Variants in PAG1 observed in about 807,000 individuals in gnomAD.
The protein encoded by PAG1 is phosphoprotein membrane anchor with glycosphingolipid microdomains 1, also known as phosphoprotein associated with glycosphingolipid-enriched microdomains 1.
Under a neutral mutation model 31.7 loss-of-function variants are expected in PAG1, and 23 were observed. That is an observed-to-expected ratio of 0.73 (90% CI 0.52 to 1.03). PAG1 has a LOEUF of 1.03. PAG1 is among the 50% of genes least tolerant of loss of function. PAG1 has a pLI of 0.00. For synonymous variants in PAG1, 214 were observed against 210.3 expected, an observed-to-expected ratio of 1.02 and a Z score of -0.15; for missense variants, 473 against 540.7, an observed-to-expected ratio of 0.87 and a Z score of 1.24.
intron 1 of PAG1, among the ~76,000 whole-genome samples, chr8:81,102,224 A>G (rs1350726569): frequency 6.6e-6 from 1 of 152,172 alleles, no homozygotes; most frequent in Non-Finnish European, 1.5e-5. Flanking sequence ...CCTATATTGT[A>G]ATTTTTCAAC....
At chr8:80,989,180 T>C (rs1807487087) in intron 5 of PAG1, among the ~76,000 whole-genome samples, 1 of 152,200 alleles carries the variant, frequency 6.6e-6, no homozygotes, top group East Asian at 1.9e-4. Context: ...GTCAGCTGTT[T>C]CCATCCAATG....
intron 3 of PAG1, among the ~76,000 whole-genome samples, chr8:80,998,364 G>A (rs1807723706): frequency 6.6e-6 from 1 of 151,986 alleles, no homozygotes; most frequent in Non-Finnish European, 1.5e-5. Context: ...TCTTGACTTG[G>A]TGATCCACCT....
Position 80,973,839 on chromosome 8 carries a change from T to C in PAG1, c.*2705A>G, listed in dbSNP as rs1807126667. 1 of 152,146 alleles carries C rather than the reference T, an allele frequency of 6.6e-6. No individual in the cohort carries two copies. The highest frequency in any genetic ancestry group is 1.5e-5 in the Non-Finnish European group (1 of 68,038). The allele number at this position is 152,146 out of a possible 1,614,324, so 9.4% of individuals were successfully genotyped here. A position where few individuals can be genotyped will look rare whatever the true frequency, so the allele number is the denominator to read the frequency against. On this transcript the variant is annotated 3_prime_UTR_variant, in exon 9 of 9. Transcript: ENST00000220597. ...ATGGTGCCTCAGTAAATAACTTCAGTAAAATATCCAGTGCTCCAAATAGCT... is the reference window on the plus strand; with the variant it reads ...ATGGTGCCTCAGTAAATAACTTCAGCAAAATATCCAGTGCTCCAAATAGCT...
intron 3 of PAG1, among the ~76,000 whole-genome samples, chr8:81,023,530 C>T (rs1808222986): frequency 6.7e-6 from 1 of 150,208 alleles, no homozygotes; most frequent in African/African-American, 2.5e-5. Flanking sequence ...CATTTCTCTG[C>T]AGTATATATA....
chr8:80,972,403 G>T lies in PAG1; in HGVS notation c.*4141C>A, dbSNP rs936585550. The T allele has an allele frequency of 6.6e-6, 1 of 152,212 alleles. No individual in the cohort carries two copies. The highest frequency in any genetic ancestry group is 1.5e-5 in the Non-Finnish European group (1 of 68,040). The allele number at this position is 152,212 out of a possible 1,614,324, so 9.4% of individuals were successfully genotyped here. A position where few individuals can be genotyped will look rare whatever the true frequency, so the allele number is the denominator to read the frequency against. Reference sequence around the variant, plus strand: ...CTAAAGCTCTGTAATTATAGCCATGGTATCAGACCAGCTTTTTCGCACATC... The same window carrying T: ...CTAAAGCTCTGTAATTATAGCCATGTTATCAGACCAGCTTTTTCGCACATC... On this transcript the variant is annotated 3_prime_UTR_variant, in exon 9 of 9. Transcript: ENST00000220597.
At chr8:81,087,765 C>T (rs963507947) in intron 1 of PAG1, among the ~76,000 whole-genome samples, 1 of 152,200 alleles carries the variant, frequency 6.6e-6, no homozygotes, top group Non-Finnish European at 1.5e-5. Flanking sequence ...TGCAGGAGAA[C>T]AAACCCTCGG....
rs1231811603 is a variant in PAG1 at position 80,991,489 on chromosome 8, A to C, written c.167T>G (p.Leu56Arg). 6.2e-7 allele frequency: 1 copy of C among 1,612,966 alleles called. No homozygotes were observed. The highest frequency in any genetic ancestry group is 8.5e-7 in the Non-Finnish European group (1 of 1,178,906). Residue 56 changes from leucine to arginine, a missense_variant, in exon 5 of 9, where the codon CTG becomes CGG. Physicochemically the swap from Leu to Arg is moderately radical, Grantham distance 102. Transcript: ENST00000220597. ...CACGCGCAGGCTCACCACGTTCATC[A>C]GGTTCTCATGGTCCCCACTATGCTG... Reference protein sequence around the residue: ...PRQHSGDHENLMNVPSDKEMF... With the variant: ...PRQHSGDHENRMNVPSDKEMF...
chr8:80,982,385 G>A (rs991094733), intron 7 of PAG1, among the ~76,000 whole-genome samples: 2 of 152,106 alleles, frequency 1.3e-5, no homozygotes, highest in African/African-American at 2.4e-5. Flanking sequence ...TCCTGGACAC[G>A]TTCTTCACTG....
rs1220304732 is a variant in PAG1 at position 80,972,477 on chromosome 8, T to A, written c.*4067A>T. The A allele has an allele frequency of 6.6e-6, 1 of 152,232 alleles. No individual in the cohort carries two copies. The highest frequency in any genetic ancestry group is 2.4e-5 in the African/African-American group (1 of 41,456). 9.4% of individuals were successfully genotyped at this position (152,232 alleles called of 1,614,324 possible). On this transcript the variant is annotated 3_prime_UTR_variant, in exon 9 of 9. Coordinates refer to ENST00000220597, the MANE Select transcript of PAG1 (RefSeq NM_018440.4). ...GTTTTACACTGCCTATAAAGTCTCATAATTTTAAAAGGGAATGAAACAGAA... is the reference window on the plus strand; with the variant it reads ...GTTTTACACTGCCTATAAAGTCTCAAAATTTTAAAAGGGAATGAAACAGAA...
chr8:80,996,431 CT>C (rs1310591854), intron 3 of PAG1, among the ~76,000 whole-genome samples: 2 of 152,200 alleles, frequency 1.3e-5, no homozygotes, highest in Non-Finnish European at 2.9e-5. Flanking sequence ...GTCTCTCTCT[CT>C]TTTTTCTGGA....
At chr8:81,059,274 C>CTTTTTTTTTTTTTTT (rs34306813) in intron 2 of PAG1, among the ~76,000 whole-genome samples, 1 of 146,732 alleles carries the variant, frequency 6.8e-6, no homozygotes. Flanking sequence ...GGCAAACATT[C>CTTTTTTTTTTTTTTT]TTTTTTTTTT....
chr8:81,014,821 C>G (rs1808045582), intron 3 of PAG1, among the ~76,000 whole-genome samples: 1 of 152,138 alleles, frequency 6.6e-6, no homozygotes. Flanking sequence ...ACAAGCAGTA[C>G]AGTGGACATT....
rs1807028172 is a variant in PAG1, at chr8:80,969,332, G to A, written c.*7212C>T. 1.3e-5 allele frequency: 2 copies of A among 152,104 alleles called. No individual in the cohort carries two copies. The highest frequency in any genetic ancestry group is 4.8e-5 in the African/African-American group (2 of 41,420). 9.4% of individuals were successfully genotyped at this position (152,104 alleles called of 1,614,324 possible). A position where few individuals can be genotyped will look rare whatever the true frequency, so the allele number is the denominator to read the frequency against. On this transcript the variant is annotated 3_prime_UTR_variant, in exon 9 of 9. Transcript: ENST00000220597. ...AAAAATACATAGAAGCTTGTCAAAG[G>A]AATGCTCAAAATCCTCAACCCATAG...
At chr8:80,982,339 C>T (rs1006347430) in intron 7 of PAG1, among the ~76,000 whole-genome samples, 8 of 152,164 alleles carry the variant, frequency 5.3e-5, no homozygotes, top group South Asian at 2.1e-4. Context: ...CTGACCTACC[C>T]GCTGCATTTG....
At chr8:81,034,620 T>C (rs970681683) in intron 2 of PAG1, among the ~76,000 whole-genome samples, 1 of 152,222 alleles carries the variant, frequency 6.6e-6, no homozygotes, top group African/African-American at 2.4e-5. Flanking sequence ...GTTGTTAAAT[T>C]TGAGCTAGGA....
At chr8:81,047,117 C>A (rs978888300) in intron 2 of PAG1, among the ~76,000 whole-genome samples, 1 of 152,266 alleles carries the variant, frequency 6.6e-6, no homozygotes, top group East Asian at 1.9e-4. Flanking sequence ...AGGTTGATTC[C>A]ATGTCTTTGC....
At chr8:81,019,296 T>C (rs894967897) in intron 3 of PAG1, among the ~76,000 whole-genome samples, 4 of 152,166 alleles carry the variant, frequency 2.6e-5, no homozygotes, top group African/African-American at 4.8e-5. Context: ...CTGCAGAAAT[T>C]TGCCTAAGTA....
At chr8:80,998,275 G>A (rs1257981103) in intron 3 of PAG1, among the ~76,000 whole-genome samples, 10 of 151,810 alleles carry the variant, frequency 6.6e-5, no homozygotes, top group South Asian at 2.1e-4. Context: ...GACTTCAGGC[G>A]CGCGCCACCA....
At chr8:81,080,874 T>C (rs11984475) in intron 1 of PAG1, among the ~76,000 whole-genome samples, 13,192 of 152,180 alleles carry the variant, frequency 0.087, 1,532 homozygotes, top group African/African-American at 0.26. Flanking sequence ...AATTTCAGTC[T>C]CACAGCTATG....
Sources: allele counts gnomAD v4.1 joint callset (sites outside exome capture counted in the v4.1 genomes callset), GRCh38; gene constraint gnomAD v4.1.1; transcripts MANE v1.5; gene names NCBI Gene and HGNC (gene_info 2026-07-23, HGNC 2026-07-21).